Variants in CAMKMT observed in about 807,000 individuals in gnomAD.
The protein encoded by CAMKMT is calmodulin-lysine N-methyltransferase.
A neutral mutation model predicts 48.0 loss-of-function variants in CAMKMT; 53 were observed. The ratio of observed to expected loss-of-function variants is 1.10; its 90% confidence interval spans 0.89 to 1.39. The LOEUF is 1.39. Ranked by LOEUF, CAMKMT falls within the 40% of genes most tolerant of loss-of-function variation. The probability of loss-of-function intolerance (pLI) is 0.00; values close to 1 mark genes in which losing one functional copy is unlikely to be tolerated. For missense variants in CAMKMT, 428 were observed against 402.7 expected, an observed-to-expected ratio of 1.06 and a Z score of -0.54; for synonymous variants, 165 against 152.3, an observed-to-expected ratio of 1.08 and a Z score of -0.61.
chr2:44,700,473 A>T (rs972364368), intron 3 of CAMKMT, among the ~76,000 whole-genome samples: 2 of 152,208 alleles, frequency 1.3e-5, no homozygotes, highest in Non-Finnish European at 2.9e-5. Flanking sequence ...ATTTAAAGTG[A>T]GAGACATGCA....
rs184480922 is a variant in CAMKMT, at chr2:44,433,417, G to C, written c.376+43112G>C. ...AAGTGTATTTTTTTTTCAAATCCAA[G>C]TTGTCAATGATATAAGCATTTTGTG... On this transcript the variant is annotated intron_variant, in intron 3 of 10. Coordinates refer to ENST00000378494, the MANE Select transcript of CAMKMT (RefSeq NM_024766.5). Among the ~76,000 whole-genome samples, 646 of 151,964 alleles carry C rather than the reference G, an allele frequency of 4.3e-3. 2 individuals are homozygous for C. Among genetic ancestry groups the C allele is most frequent in the African/African-American group, 0.015 (616 of 41,482 alleles).
chr2:44,459,084 G>C (rs1667722246), intron 3 of CAMKMT, among the ~76,000 whole-genome samples: 1 of 150,946 alleles, frequency 6.6e-6, no homozygotes, highest in Non-Finnish European at 1.5e-5. Flanking sequence ...CTCTACCTCT[G>C]TAGACATTTC....
chr2:44,481,355 T>G (rs1362822158), intron 3 of CAMKMT, among the ~76,000 whole-genome samples: 1 of 152,064 alleles, frequency 6.6e-6, no homozygotes, highest in Non-Finnish European at 1.5e-5. Flanking sequence ...TCCTTGCTGT[T>G]GTTTTTAGCA....
At chr2:44,378,547 G>T (rs576219169) in intron 2 of CAMKMT, among the ~76,000 whole-genome samples, 1 of 152,192 alleles carries the variant, frequency 6.6e-6, no homozygotes, top group Non-Finnish European at 1.5e-5. Context: ...AGGCTGGAGT[G>T]CAGTGGTGCA....
At chr2:44,371,211 C>G (rs1679146689) in intron 1 of CAMKMT, among the ~76,000 whole-genome samples, 1 of 152,192 alleles carries the variant, frequency 6.6e-6, no homozygotes, top group Non-Finnish European at 1.5e-5. Flanking sequence ...TCTCAAACTC[C>G]TGACCTCTGG....
intron 3 of CAMKMT, among the ~76,000 whole-genome samples, chr2:44,633,812 A>C (rs1672974602): frequency 6.6e-6 from 1 of 152,092 alleles, no homozygotes; most frequent in Non-Finnish European, 1.5e-5. Flanking sequence ...TAAGTTTTTG[A>C]GGATGCAGGA....
At chr2:44,683,752 G>A (rs1438419024) in intron 3 of CAMKMT, among the ~76,000 whole-genome samples, 1 of 141,946 alleles carries the variant, frequency 7.0e-6, no homozygotes, top group African/African-American at 2.7e-5. Flanking sequence ...GAACCCAGGA[G>A]GCAGAGCTTG....
rs556811965 is a variant in CAMKMT at position 44,390,417 on chromosome 2, A to T, written c.376+112A>T. ...TTATACTCACTAAATGTATGCATATATGTATATATAATAGAAAGTTTGACT... is the reference window on the plus strand; with the variant it reads ...TTATACTCACTAAATGTATGCATATTTGTATATATAATAGAAAGTTTGACT... On this transcript the variant is annotated intron_variant, in intron 3 of 10. Coordinates refer to ENST00000378494, the MANE Select transcript of CAMKMT (RefSeq NM_024766.5). 2.9e-5 allele frequency: 19 copies of T among 666,158 alleles called. No individual in the cohort carries two copies. In the East Asian group the frequency reaches 5.8e-4, roughly 20 times the overall value. The allele number at this position is 666,158 out of a possible 1,614,324, so 41.3% of individuals were successfully genotyped here.
At chr2:44,395,015 T>A (rs1281959980) in intron 3 of CAMKMT, 6 of 447,530 alleles carry the variant, frequency 1.3e-5, no homozygotes, top group Non-Finnish European at 2.7e-5. Context: ...AATCAAATAT[T>A]TATCTTCCTG....
intron 3 of CAMKMT, among the ~76,000 whole-genome samples, chr2:44,526,480 G>A (rs1671409462): frequency 6.6e-6 from 1 of 152,120 alleles, no homozygotes; most frequent in Admixed American, 6.5e-5. Flanking sequence ...CAGAAAAGCT[G>A]GTCATATAGT....
At chr2:44,586,820 A>G (rs899090535) in intron 3 of CAMKMT, among the ~76,000 whole-genome samples, 1 of 152,198 alleles carries the variant, frequency 6.6e-6, no homozygotes, top group African/African-American at 2.4e-5. Context: ...TCTAGAGTAA[A>G]TACATAGGAG....
chr2:44,489,162 C>T (rs548620209), intron 3 of CAMKMT, among the ~76,000 whole-genome samples: 31 of 151,850 alleles, frequency 2.0e-4, no homozygotes, highest in South Asian at 4.2e-4. Flanking sequence ...GACCCACCAA[C>T]GCTGGACTTT....
At chr2:44,452,293 A>C (rs892930438) in intron 3 of CAMKMT, among the ~76,000 whole-genome samples, 13 of 152,118 alleles carry the variant, frequency 8.5e-5, no homozygotes, top group Admixed American at 8.5e-4. Context: ...GAAAAGTATC[A>C]ATAAATAATG....
intron 3 of CAMKMT, among the ~76,000 whole-genome samples, chr2:44,411,902 A>G (rs1322622729): frequency 2.6e-5 from 4 of 151,872 alleles, no homozygotes; most frequent in Non-Finnish European, 2.9e-5. Context: ...TCATTGCCCA[A>G]AGTATCATTA....
intron 3 of CAMKMT, among the ~76,000 whole-genome samples, chr2:44,669,998 G>T (rs759202761): frequency 6.6e-6 from 1 of 151,960 alleles, no homozygotes; most frequent in Non-Finnish European, 1.5e-5. Context: ...ATGATTATAG[G>T]CTTTCATGTT....
chr2:44,660,042 T>G (rs1443042664), intron 3 of CAMKMT, among the ~76,000 whole-genome samples: 1 of 152,210 alleles, frequency 6.6e-6, no homozygotes, highest in African/African-American at 2.4e-5. Context: ...TTAAAAATAT[T>G]TACAAACTCA....
intron 7 of CAMKMT, among the ~76,000 whole-genome samples, chr2:44,740,123 CA>C (rs1243512377): frequency 0.012 from 1,521 of 130,026 alleles, 25 homozygotes; most frequent in African/African-American, 0.04. Context: ...CTGATTGCTG[CA>C]TTTTTTTTTT....
chr2:44,719,057 G>T lies in CAMKMT; in HGVS notation c.623+3704G>T, dbSNP rs548259194. Among the ~76,000 whole-genome samples, 3 of 152,286 alleles carry T rather than the reference G, an allele frequency of 2.0e-5. No individual in the cohort carries two copies. The South Asian group carries it at 6.2e-4, about 32-fold the overall frequency. ...TCCAACCAAGTAGAATCCAGTGGTT[G>T]ATTTTCCTGGGCCTTCTGCAGTCTG... On this transcript the variant is annotated intron_variant, in intron 7 of 10. Coordinates refer to ENST00000378494, the MANE Select transcript of CAMKMT (RefSeq NM_024766.5).
At chr2:44,716,666 G>A (rs973192143) in intron 7 of CAMKMT, among the ~76,000 whole-genome samples, 2 of 152,128 alleles carry the variant, frequency 1.3e-5, no homozygotes, top group Admixed American at 6.6e-5. Context: ...TCATTGTTAG[G>A]ACAGCCTTTC....
Sources: gnomAD v4.1 joint callset for allele counts (sites outside exome capture counted in the v4.1 genomes callset) on GRCh38, gnomAD v4.1.1 for gene constraint, MANE v1.5 for transcripts, NCBI Gene and HGNC (gene_info 2026-07-23, HGNC 2026-07-21) for gene names.